FAM120B: variants seen among roughly 807,000 people sequenced by gnomAD.
FAM120B encodes constitutive coactivator of peroxisome proliferator-activated receptor gamma.
FAM120B carries 83 observed loss-of-function variants against 96.3 expected under a neutral mutation model. The observed-to-expected ratio is 0.86, with a 90% CI of 0.72 to 1.03. FAM120B has a LOEUF of 1.03. Among genes scored for constraint, FAM120B ranks in the 50% least tolerant of loss-of-function variants. The pLI, the probability that FAM120B is intolerant of heterozygous loss-of-function variation, is 0.00. For synonymous variants in FAM120B, 407 were observed against 402.7 expected, an observed-to-expected ratio of 1.01 and a Z score of -0.13; for missense variants, 1,027 against 1,121.2, an observed-to-expected ratio of 0.92 and a Z score of 1.20.
intron 6 of FAM120B, among the ~76,000 whole-genome samples, chr6:170,368,143 G>A (rs996736302): frequency 1.3e-5 from 2 of 152,208 alleles, no homozygotes; most frequent in Non-Finnish European, 2.9e-5. Flanking sequence ...TGGTACCTTA[G>A]AGACAGTTCA....
At chr6:170,396,695 A>C (rs1190056666) in intron 9 of FAM120B, among the ~76,000 whole-genome samples, 1 of 152,194 alleles carries the variant, frequency 6.6e-6, no homozygotes, top group Non-Finnish European at 1.5e-5. Context: ...GGTCACTTCC[A>C]CTTCGTCACT....
rs763886130 is a variant in FAM120B, at chr6:170,295,686, G to C, written c.48+233G>C. Among the ~76,000 whole-genome samples the C allele has an allele frequency of 6.6e-6, 1 of 152,162 alleles. No individual in the cohort carries two copies. The highest frequency in any genetic ancestry group is 6.5e-5 in the Admixed American group (1 of 15,282). On this transcript the variant is annotated intron_variant, in intron 1 of 10. Coordinates refer to the FAM120B transcript ENST00000537664. The surrounding 1 kb of genome is among the most constrained non-coding windows in gnomAD (Gnocchi z 7.8). Reference sequence around the variant, plus strand: ...GGCGAGTGACTTCCCCGGTGCGGCCGGGTCCCGGCGCCACACGCCCTTTTC... The same window carrying C: ...GGCGAGTGACTTCCCCGGTGCGGCCCGGTCCCGGCGCCACACGCCCTTTTC...
upstream of FAM120B, among the ~76,000 whole-genome samples, chr6:170,291,480 C>T (rs1783871393): frequency 6.6e-6 from 1 of 152,090 alleles, no homozygotes; most frequent in African/African-American, 2.4e-5. Context: ...TTGGCGGGGC[C>T]GCCCCTTCTT....
intron 6 of FAM120B, among the ~76,000 whole-genome samples, chr6:170,374,155 G>A (rs1350645355): frequency 6.6e-6 from 1 of 152,172 alleles, no homozygotes; most frequent in Admixed American, 6.5e-5. Flanking sequence ...ACCACTCCGC[G>A]CAGTAAGTTC....
chr6:170,397,722 C>T (rs71576510), intron 9 of FAM120B, among the ~76,000 whole-genome samples: 1 of 152,202 alleles, frequency 6.6e-6, no homozygotes, highest in Non-Finnish European at 1.5e-5. Flanking sequence ...GCATCCCAGC[C>T]TCATCCATCC....
chr6:170,328,221 AT>A (rs1347439111), intron 3 of FAM120B, among the ~76,000 whole-genome samples: 1 of 152,140 alleles, frequency 6.6e-6, no homozygotes, highest in Non-Finnish European at 1.5e-5. Flanking sequence ...TATTAGAAAA[AT>A]TTTTAACTCT....
At chr6:170,345,192 A>T (rs948753163) in intron 4 of FAM120B, among the ~76,000 whole-genome samples, 3 of 152,164 alleles carry the variant, frequency 2.0e-5, no homozygotes, top group African/African-American at 7.2e-5. Flanking sequence ...TCCCAGAATA[A>T]GTTTTGTTTA....
chr6:170,402,674 G>A (rs1174979565), intron 9 of FAM120B, among the ~76,000 whole-genome samples: 1 of 152,208 alleles, frequency 6.6e-6, no homozygotes, highest in African/African-American at 2.4e-5. Context: ...GCTACATGGC[G>A]TGAACTCCAG....
chr6:170,332,764 G>C (rs923081482), intron 4 of FAM120B, among the ~76,000 whole-genome samples: 4 of 151,988 alleles, frequency 2.6e-5, no homozygotes, highest in Non-Finnish European at 5.9e-5. Flanking sequence ...ACCTGCAAAA[G>C]GTTCTTGTCG....
At chr6:170,342,567 G>A (rs1003383730) in intron 4 of FAM120B, among the ~76,000 whole-genome samples, 13 of 152,152 alleles carry the variant, frequency 8.5e-5, no homozygotes, top group Non-Finnish European at 1.9e-4. Context: ...CTCCCCCAGG[G>A]GCCAAGTCCT....
At position 170,348,134 on chromosome 6, in the gene FAM120B, C is replaced by CTTTTT; in HGVS notation, c.2018-14_2018-10dup. On this transcript the variant is annotated splice_polypyrimidine_tract_variant and intron_variant, in intron 4 of 10. Coordinates refer to ENST00000476287, the MANE Select transcript of FAM120B (RefSeq NM_032448.3). ...GCTGCAAAGAACAATAGTTAATGGA[C>CTTTTT]TTTTTTTCTTAACTAGGGGGAACGC... is the stretch of plus-strand genomic sequence containing the variant. 6.2e-7 allele frequency: 1 copy of CTTTTT among 1,607,930 alleles called. No homozygotes were observed. Among genetic ancestry groups the CTTTTT allele is most frequent in the Non-Finnish European group, 8.5e-7 (1 of 1,176,758 alleles).
At chr6:170,330,601 A>G (rs1298521366) in intron 4 of FAM120B, 51 bp downstream of exon 4, 3 of 1,392,786 alleles carry the variant, frequency 2.2e-6, no homozygotes, top group Non-Finnish European at 3.1e-6. Context: ...ATTCTATGAT[A>G]AAAGTCTAAG....
intron 5 of FAM120B, among the ~76,000 whole-genome samples, chr6:170,357,575 T>C (rs1788032569): frequency 6.6e-6 from 1 of 152,182 alleles, no homozygotes; most frequent in Non-Finnish European, 1.5e-5. Flanking sequence ...AGGACACAGG[T>C]TTCCTCTAGG....
intron 7 of FAM120B, 147 bp from the exon 8 acceptor site, chr6:170,390,866 T>C (rs571648305): frequency 3.1e-5 from 21 of 683,086 alleles, no homozygotes; most frequent in African/African-American, 5.3e-5. Flanking sequence ...CTGCGGTTCA[T>C]GTCTGGGAGG....
intron 9 of FAM120B, among the ~76,000 whole-genome samples, chr6:170,401,918 C>T (rs933699890): frequency 4.7e-5 from 7 of 149,502 alleles, no homozygotes; most frequent in African/African-American, 1.7e-4. Context: ...CCTCCGCAGC[C>T]TGCATCTGTG....
At chr6:170,385,871 A>C (rs1790158870) in intron 6 of FAM120B, among the ~76,000 whole-genome samples, 2 of 152,374 alleles carry the variant, frequency 1.3e-5, no homozygotes, top group South Asian at 4.1e-4. Flanking sequence ...GACAGAAGCC[A>C]ATCTGAAAAA....
chr6:170,309,134 T>C (rs1240375072), intron 1 of FAM120B, among the ~76,000 whole-genome samples: 1 of 152,248 alleles, frequency 6.6e-6, no homozygotes, highest in African/African-American at 2.4e-5. Flanking sequence ...CAGGAATTTA[T>C]TGTGACTTTT....
chr6:170,396,407 C>A (rs1209637852), intron 9 of FAM120B, among the ~76,000 whole-genome samples: 1 of 152,088 alleles, frequency 6.6e-6, no homozygotes, highest in Non-Finnish European at 1.5e-5. Context: ...GCAAACATTG[C>A]GAGTCCACTG....
chr6:170,301,108 T>C (rs569700428), intron 1 of FAM120B, among the ~76,000 whole-genome samples: 1 of 152,384 alleles, frequency 6.6e-6, no homozygotes, highest in East Asian at 1.9e-4. Context: ...AGCTTCTCCA[T>C]GAGGGCTTTG....
Sources: gnomAD v4.1 joint callset for allele counts (sites outside exome capture counted in the v4.1 genomes callset) on GRCh38, gnomAD v4.1.1 for gene constraint, Gnocchi (gnomAD v3.1) non-coding constraint, MANE v1.5 for transcripts, NCBI Gene and HGNC (gene_info 2026-07-23, HGNC 2026-07-21) for gene names.